Variants in ZNF548 observed in about 807,000 individuals in gnomAD.
The protein encoded by ZNF548 is zinc finger protein 548.
ZNF548 carries 10 observed loss-of-function variants against 10.2 expected under a neutral mutation model. That is an observed-to-expected ratio of 0.98 (90% CI 0.60 to 1.66). ZNF548 has a LOEUF of 1.66. Ranked by LOEUF, ZNF548 falls within the 40% of genes most tolerant of loss-of-function variation. ZNF548 has a pLI of 0.00. For missense variants in ZNF548, 599 were observed against 657.0 expected (o/e 0.91, Z 0.97); for synonymous variants, 217 against 223.5 (o/e 0.97, Z 0.26).
chr19:57,397,003 C>T lies in ZNF548; in HGVS notation c.52-45C>T, dbSNP rs769625580. 2.5e-6 allele frequency: 4 copies of T among 1,571,518 alleles called. No homozygotes were observed. The South Asian group carries it at 4.7e-5, about 18-fold the overall frequency. On this transcript the variant is annotated intron_variant, in intron 2 of 3. Transcript: ENST00000336128. ...AAATAGAGAACTTAAGTAAATACAG[C>T]TTGAAAAGAAGCTGCTTATGTATTC...
intron 2 of ZNF548, among the ~76,000 whole-genome samples, chr19:57,396,455 G>A (rs533598164): frequency 2.6e-5 from 4 of 152,350 alleles, no homozygotes; most frequent in African/African-American, 9.6e-5. Flanking sequence ...CACATTGGGA[G>A]GGTGTGGAAG....
chr19:57,390,957 T>G (rs962866829), intron 1 of ZNF548: 5 of 152,222 alleles, frequency 3.3e-5, no homozygotes, highest in Admixed American at 3.3e-4. Flanking sequence ...CTCGGGTTTT[T>G]TTTGTTTGTT....
intron 2 of ZNF548, 76 bp from the exon 3 acceptor site, chr19:57,396,972 A>C: frequency 1.3e-6 from 2 of 1,521,480 alleles, no homozygotes; most frequent in Non-Finnish European, 1.8e-6. Flanking sequence ...GGTAAATATA[A>C]GTAGAAAATA....
chr19:57,391,795 T>TG (rs1044655178), intron 1 of ZNF548, among the ~76,000 whole-genome samples: 39 of 144,178 alleles, frequency 2.7e-4, no homozygotes, highest in Admixed American at 7.6e-4. Flanking sequence ...TACTGTTTTT[T>TG]TTTTTTTTTT....
Position 57,401,745 on chromosome 19 carries a change from T to A in ZNF548, c.*1856T>A, listed in dbSNP as rs2032635341. 1.3e-5 allele frequency: 2 copies of A among 152,002 alleles called. No individual in the cohort carries two copies. The highest frequency in any genetic ancestry group is 4.2e-4 in the South Asian group (2 of 4,816). The allele number at this position is 152,002 out of a possible 1,614,324, so 9.4% of individuals were successfully genotyped here. A position where few individuals can be genotyped will look rare whatever the true frequency, so the allele number is the denominator to read the frequency against. On this transcript the variant is annotated 3_prime_UTR_variant, in exon 4 of 4. Coordinates refer to ENST00000336128, the MANE Select transcript of ZNF548 (RefSeq NM_001172773.2). ...GGTCTTACATTTAGGTCTTTTTTTT[T>A]TTTTTCTTTTGGAGGCAGAGTCTTG...
At chr19:57,390,269 C>G in intron 1 of ZNF548, 155 bp downstream of exon 1, 1 of 745,358 alleles carries the variant, frequency 1.3e-6, no homozygotes, top group East Asian at 2.8e-5. Context: ...CTCAGAGCTC[C>G]CGTTAGGGAC....
Position 57,399,865 on chromosome 19 carries a change from C to G in ZNF548, c.1614C>G (p.Phe538Leu). The G allele has an allele frequency of 6.2e-7, 1 of 1,601,522 alleles. No individual in the cohort carries two copies. Among genetic ancestry groups the G allele is most frequent in the Non-Finnish European group, 8.5e-7 (1 of 1,171,276 alleles). The change falls in exon 4 of 4, where the codon TTC becomes TTG. Residue 538 changes from phenylalanine to leucine, a missense_variant. Transcript: ENST00000336128. This position sits in a 1 kb window ranked among gnomAD's most constrained non-coding sequence, Gnocchi z 4.0. ...CAACCTCATTAAACATCAGAGATTTCACAATGGAGAAAGTTTACCATTGAC... is the reference window on the plus strand; with the variant it reads ...CAACCTCATTAAACATCAGAGATTTGACAATGGAGAAAGTTTACCATTGAC... ...KTPTSLNIRD[F>L]TMEKVYH is the part of the protein sequence containing the mutation.
chr19:57,401,224 G>A lies in ZNF548; in HGVS notation c.*1335G>A, dbSNP rs896487677. 6.6e-5 allele frequency: 10 copies of A among 152,178 alleles called. No homozygotes were observed. The highest frequency in any genetic ancestry group is 5.2e-4 in the Admixed American group (8 of 15,282). 9.4% of individuals were successfully genotyped at this position (152,178 alleles called of 1,614,324 possible). A position where few individuals can be genotyped will look rare whatever the true frequency, so the allele number is the denominator to read the frequency against. ...TTTTGATGTACTGTTGACTCTTTCT[G>A]TCTGTGGGTTCTGTATTCATGGATC... is the stretch of plus-strand genomic sequence containing the variant. On this transcript the variant is annotated 3_prime_UTR_variant, in exon 4 of 4. Coordinates refer to ENST00000336128, the MANE Select transcript of ZNF548 (RefSeq NM_001172773.2).
In ZNF548 at chr19:57,397,099, G is replaced by T; in HGVS notation, c.103G>T (p.Gly35Trp). ...CATATATTTCTCCCAGGAGGAGTGG[G>T]GGCACCTTGATGAGGCTCAGAGATT... is the stretch of plus-strand genomic sequence containing the variant. ...VAIYFSQEEW[G>W]HLDEAQRLLY... The change falls in exon 3 of 4, where the codon GGG becomes TGG. Residue 35 changes from glycine (G) to tryptophan (W), a missense_variant. By Grantham distance (184) the Gly-to-Trp change is radical. Transcript: ENST00000336128. 1 of 1,613,516 alleles carries T rather than the reference G, an allele frequency of 6.2e-7. No individual in the cohort carries two copies. The highest frequency in any genetic ancestry group is 1.1e-5 in the South Asian group (1 of 91,030).
Position 57,402,366 on chromosome 19 carries a change from C to G in ZNF548, c.*2477C>G, listed in dbSNP as rs1327600529. 1 of 152,192 alleles carries G rather than the reference C, an allele frequency of 6.6e-6. No individual in the cohort carries two copies. The highest frequency in any genetic ancestry group is 6.5e-5 in the Admixed American group (1 of 15,278). The allele number at this position is 152,192 out of a possible 1,614,324, so 9.4% of individuals were successfully genotyped here. ...CTGCTGTATTCCAGCCCAAATTACT[C>G]AAATTAGCCAATCCATGGGGAACAT... is the stretch of plus-strand genomic sequence containing the variant. On this transcript the variant is annotated 3_prime_UTR_variant, in exon 4 of 4. Coordinates refer to ENST00000336128, the MANE Select transcript of ZNF548 (RefSeq NM_001172773.2).
At chr19:57,393,616 C>T (rs373848017) in intron 1 of ZNF548, among the ~76,000 whole-genome samples, 4 of 147,912 alleles carry the variant, frequency 2.7e-5, no homozygotes, top group South Asian at 2.2e-4. Context: ...GCCAAGACCA[C>T]GCCATTGCAC....
At chr19:57,390,173 T>A (rs2088612890) in intron 1 of ZNF548, 59 bp downstream of exon 1, 1 of 1,586,424 alleles carries the variant, frequency 6.3e-7, no homozygotes. Context: ...TGAAGCCCCC[T>A]GAAGGGGCCC....
intron 1 of ZNF548, 32 bp downstream of exon 1, chr19:57,390,146 A>G: frequency 1.2e-6 from 2 of 1,604,724 alleles, no homozygotes; most frequent in African/African-American, 1.3e-5. Context: ...CCCCCGCCCG[A>G]CCGGTCCTCC....
In ZNF548 at chr19:57,402,251, G is replaced by T. The variant is rs2088723126; in HGVS notation, c.*2362G>T. 1 of 152,196 alleles carries T rather than the reference G, an allele frequency of 6.6e-6. No homozygotes were observed. The allele number at this position is 152,196 out of a possible 1,614,324, so 9.4% of individuals were successfully genotyped here. On this transcript the variant is annotated 3_prime_UTR_variant, in exon 4 of 4. Coordinates refer to ENST00000336128, the MANE Select transcript of ZNF548 (RefSeq NM_001172773.2). ...GGATTCTCTATTTTATTGGTCATATGTCTGTCTTTATGTCAGTACCACACA... is the reference window on the plus strand; with the variant it reads ...GGATTCTCTATTTTATTGGTCATATTTCTGTCTTTATGTCAGTACCACACA...
At chr19:57,396,487 C>T (rs1002475545) in intron 2 of ZNF548, among the ~76,000 whole-genome samples, 2 of 152,076 alleles carry the variant, frequency 1.3e-5, no homozygotes, top group African/African-American at 4.8e-5. Context: ...GGAATGGAGG[C>T]GTAGGGGACA....
At chr19:57,396,768 C>T (rs2088668725) in intron 2 of ZNF548, 2 of 386,102 alleles carry the variant, frequency 5.2e-6, no homozygotes, top group Non-Finnish European at 9.2e-6. Context: ...CAGGGCTGGG[C>T]GTCAGGATAG....
At chr19:57,390,886 A>G (rs2088619058) in intron 1 of ZNF548, 1 of 152,300 alleles carries the variant, frequency 6.6e-6, no homozygotes, top group African/African-American at 2.4e-5. Context: ...GCGATACCAG[A>G]CGGATGGAGG....
chr19:57,394,619 G>A (rs1426506789), intron 2 of ZNF548, among the ~76,000 whole-genome samples: 14 of 152,140 alleles, frequency 9.2e-5, no homozygotes, highest in Admixed American at 7.9e-4. Context: ...AGTGGGAGAC[G>A]GGGAAGATTT....
chr19:57,393,357 T>A (rs1171113477), intron 1 of ZNF548, among the ~76,000 whole-genome samples: 1 of 151,938 alleles, frequency 6.6e-6, no homozygotes, highest in Non-Finnish European at 1.5e-5. Context: ...AGTGAAGTCA[T>A]TATGTTAAAT....
Sources: allele counts gnomAD v4.1 joint callset (sites outside exome capture counted in the v4.1 genomes callset), GRCh38; gene constraint gnomAD v4.1.1; non-coding constraint Gnocchi (gnomAD v3.1); transcripts MANE v1.5; gene names NCBI Gene and HGNC (gene_info 2026-07-23, HGNC 2026-07-21).